Variants in ZNF527 observed in about 807,000 individuals in gnomAD.
The protein encoded by ZNF527 is zinc finger protein 527.
ZNF527 carries 5 observed loss-of-function variants against 13.5 expected under a neutral mutation model. The observed-to-expected ratio is 0.37, with a 90% CI of 0.19 to 0.78. ZNF527 has a LOEUF of 0.78. Among genes scored for constraint, ZNF527 ranks in the 30% least tolerant of loss-of-function variants. The probability of loss-of-function intolerance (pLI) is 0.48; values close to 1 mark genes in which losing one functional copy is unlikely to be tolerated. For synonymous variants in ZNF527, 209 were observed against 243.1 expected (o/e 0.86, Z 1.30); for missense variants, 628 against 726.4 (o/e 0.86, Z 1.56).
chr19:37,378,856 C>G (rs916256245), intron 2 of ZNF527, among the ~76,000 whole-genome samples: 1 of 152,146 alleles, frequency 6.6e-6, no homozygotes, highest in Admixed American at 6.5e-5. Context: ...ATGTAACATA[C>G]AACTTAGTCT....
rs757817235 is a variant in ZNF527, at chr19:37,379,151, A to G, written c.65A>G (p.Asp22Gly). ...GLVTFRDVAL[D>G]FSQEEWEWLK... The stretch of plus-strand genomic sequence containing the variant: ...GTGACCTTCAGAGATGTGGCGCTAG[A>G]CTTTTCCCAAGAAGAGTGGGAATGG... Residue 22 changes from aspartate (D) to glycine (G), a missense_variant, in exon 3 of 5, where the codon GAC (aspartate) becomes GGC (glycine). Asp to Gly is a moderately conservative substitution (Grantham distance 94, BLOSUM62 -1). Coordinates refer to ENST00000436120, the MANE Select transcript of ZNF527 (RefSeq NM_032453.2). 1.9e-5 allele frequency: 30 copies of G among 1,613,956 alleles called. No individual in the cohort carries two copies. The highest frequency in any genetic ancestry group is 2.4e-5 in the Non-Finnish European group (28 of 1,180,002).
At position 37,391,588 on chromosome 19, in the gene ZNF527, A is replaced by AATAAAT. The variant is rs1555829723; in HGVS notation, c.*1710_*1711insTAAATA. The stretch of plus-strand genomic sequence containing the variant: ...CCTTCTCAAAAAAAAAAAAAAAAAA[A>AATAAAT]AAATAAATAAATAAATAAATAAATA... On this transcript the variant is annotated 3_prime_UTR_variant, in exon 5 of 5. Coordinates refer to ENST00000436120, the MANE Select transcript of ZNF527 (RefSeq NM_032453.2). The AATAAAT allele has an allele frequency of 3.0e-5, 4 of 132,062 alleles. No individual in the cohort carries two copies. The highest frequency in any genetic ancestry group is 2.2e-4 in the East Asian group (1 of 4,520). The allele number at this position is 132,062 out of a possible 1,614,324, so 8.2% of individuals were successfully genotyped here.
chr19:37,390,033 A>AATT lies in ZNF527; in HGVS notation c.*154_*155insATT. 1 of 912,206 alleles carries AATT rather than the reference A, an allele frequency of 1.1e-6. No homozygotes were observed. The highest frequency in any genetic ancestry group is 1.5e-6 in the Non-Finnish European group (1 of 665,760). 56.5% of individuals were successfully genotyped at this position (912,206 alleles called of 1,614,324 possible). ...AGTAGCTCAGTAGTAGACATCTGTT[A>AATT]CTTTTTTTTTTTTCAGACAGAGTCT... On this transcript the variant is annotated 3_prime_UTR_variant, in exon 5 of 5. Coordinates refer to ENST00000436120, the MANE Select transcript of ZNF527 (RefSeq NM_032453.2).
In ZNF527 at chr19:37,389,746, T is replaced by C; in HGVS notation, c.1697T>C (p.Ile566Thr). 6.2e-7 allele frequency: 1 copy of C among 1,613,874 alleles called. No individual in the cohort carries two copies. Among genetic ancestry groups the C allele is most frequent in the Non-Finnish European group, 8.5e-7 (1 of 1,180,020 alleles). The change falls in exon 5 of 5, where the codon ATC becomes ACC. Residue 566 changes from isoleucine to threonine, a missense_variant. Ile to Thr is a moderately conservative substitution (Grantham distance 89). Coordinates refer to ENST00000436120, the MANE Select transcript of ZNF527 (RefSeq NM_032453.2). ...CSECGKAFHQ[I>T]LSLRLHQRIH... ...GAATGTGGGAAGGCTTTTCATCAGATCTTGTCCCTAAGACTACACCAGAGA... is the reference window on the plus strand; with the variant it reads ...GAATGTGGGAAGGCTTTTCATCAGACCTTGTCCCTAAGACTACACCAGAGA...
chr19:37,389,178 CAG>C lies in ZNF527; in HGVS notation c.1133_1134del (p.Arg378AsnfsTer5). ...CCGTTATGCCTTCCTTGTTGAACAT[CAG>C]AGAATTCACACAGGTGAGAAACCAT... is the stretch of plus-strand genomic sequence containing the variant. The part of the protein sequence containing the change: ...FSRYAFLVEH[Q>X]RIHTGEKPYE... On this transcript the variant is annotated frameshift_variant, in exon 5 of 5. Transcript: ENST00000436120. LOFTEE classifies it low-confidence loss of function (END_TRUNC). 6.2e-7 allele frequency: 1 copy of C among 1,614,092 alleles called. No individual in the cohort carries two copies. The highest frequency in any genetic ancestry group is 8.5e-7 in the Non-Finnish European group (1 of 1,180,008).
chr19:37,379,418 T>A, intron 3 of ZNF527, 172 bp downstream of exon 3: 1 of 543,624 alleles, frequency 1.8e-6, no homozygotes, highest in Non-Finnish European at 2.9e-6. Flanking sequence ...TTTAATTAAT[T>A]AATTTACTTT....
intron 2 of ZNF527, among the ~76,000 whole-genome samples, chr19:37,374,926 TAGC>T (rs1243607241): frequency 2.0e-5 from 3 of 152,142 alleles, no homozygotes; most frequent in African/African-American, 7.2e-5. Flanking sequence ...CAGGAGGTGA[TAGC>T]AGCCTGGATC....
chr19:37,378,418 A>G (rs972927339), intron 2 of ZNF527, among the ~76,000 whole-genome samples: 1 of 152,152 alleles, frequency 6.6e-6, no homozygotes, highest in Admixed American at 6.5e-5. Context: ...CTTTCTTCAT[A>G]TGGATATTTT....
intron 4 of ZNF527, among the ~76,000 whole-genome samples, chr19:37,386,187 G>A (rs1287824294): frequency 9.1e-6 from 1 of 110,050 alleles, no homozygotes; most frequent in African/African-American, 3.9e-5. Context: ...TTGTCACCCA[G>A]GCTGGAATGC....
chr19:37,389,539 C>G lies in ZNF527; in HGVS notation c.1490C>G (p.Pro497Arg), dbSNP rs1434492192. The change falls in exon 5 of 5, where the codon CCA becomes CGA. Residue 497 changes from proline to arginine, a missense_variant. This residue lies in a region of ZNF527 where 592 missense variants were observed against 678.0 expected (regional missense o/e 0.87). Coordinates refer to ENST00000436120, the MANE Select transcript of ZNF527 (RefSeq NM_032453.2). Reference sequence around the variant, plus strand: ...CATAGAATTCACACTGGAGAGAGACCATTTGAATGCAGTAAATGTGGGAAA... The same window carrying G: ...CATAGAATTCACACTGGAGAGAGACGATTTGAATGCAGTAAATGTGGGAAA... ...RHHRIHTGER[P>R]FECSKCGKAF... 15 of 1,614,116 alleles carry G rather than the reference C, an allele frequency of 9.3e-6. No homozygotes were observed. Among genetic ancestry groups the G allele is most frequent in the Non-Finnish European group, 1.3e-5 (15 of 1,180,046 alleles).
chr19:37,379,259 CT>C lies in ZNF527; in HGVS notation c.160+14del. On this transcript the variant is annotated intron_variant, in intron 3 of 4. Coordinates refer to ENST00000436120, the MANE Select transcript of ZNF527 (RefSeq NM_032453.2). ...TTGGTATGGCTTGGTAAGGATGTTT[CT>C]CCCCCATAATTTAAAAATCTTCCTC... is the stretch of plus-strand genomic sequence containing the variant. 6.3e-7 allele frequency: 1 copy of C among 1,575,392 alleles called. No individual in the cohort carries two copies. Among genetic ancestry groups the C allele is most frequent in the Admixed American group, 2.0e-5 (1 of 50,850 alleles).
rs2040749052 is a variant in ZNF527, at chr19:37,391,180, CT to C, written c.*1303del. The C allele has an allele frequency of 6.6e-6, 1 of 152,128 alleles. No homozygotes were observed. The highest frequency in any genetic ancestry group is 6.5e-5 in the Admixed American group (1 of 15,272). 9.4% of individuals were successfully genotyped at this position (152,128 alleles called of 1,614,324 possible). A position where few individuals can be genotyped will look rare whatever the true frequency, so the allele number is the denominator to read the frequency against. ...ATGGCTCTTCATCTTCAAGGAATTA[CT>C]TGATTTTCTTCTTTCAGTATGGGTC... is the stretch of plus-strand genomic sequence containing the variant. On this transcript the variant is annotated 3_prime_UTR_variant, in exon 5 of 5. Coordinates refer to ENST00000436120, the MANE Select transcript of ZNF527 (RefSeq NM_032453.2).
chr19:37,389,549 C>T lies in ZNF527; in HGVS notation c.1500C>T (p.Cys500=). The change falls in exon 5 of 5, where the codon TGC becomes TGT. Residue 500 remains cysteine, a synonymous_variant. Transcript: ENST00000436120. Reference sequence around the variant, plus strand: ...ACACTGGAGAGAGACCATTTGAATGCAGTAAATGTGGGAAAGCCTTCAGTG... The same window carrying T: ...ACACTGGAGAGAGACCATTTGAATGTAGTAAATGTGGGAAAGCCTTCAGTG... The part of the protein sequence containing the change: ...RIHTGERPFE[C]SKCGKAFSDA... 1.2e-6 allele frequency: 2 copies of T among 1,614,042 alleles called. No homozygotes were observed. Among genetic ancestry groups the T allele is most frequent in the South Asian group, 1.1e-5 (1 of 91,074 alleles).
rs115804236 is a variant in ZNF527, at chr19:37,389,063, T to A, written c.1014T>A (p.Ala338=). The A allele has an allele frequency of 6.2e-7, 1 of 1,614,184 alleles. No individual in the cohort carries two copies. Among genetic ancestry groups the A allele is most frequent in the South Asian group, 1.1e-5 (1 of 91,084 alleles). The change falls in exon 5 of 5, where the codon GCT becomes GCA. Residue 338 remains alanine (A), a synonymous_variant. Transcript: ENST00000436120. The part of the protein sequence containing the change: ...KPYECKECNK[A]FRQSAHLAQH... ...ATGAATGTAAGGAATGTAACAAAGC[T>A]TTCAGACAGAGTGCTCACCTTGCTC...
Position 37,390,514 on chromosome 19 carries a change from T to G in ZNF527, c.*635T>G, listed in dbSNP as rs1235606107. ...GGATCAATGAAGTCCTTTGCGGGTA[T>G]TCCTATGGGCAGTAAGAGAGGTTTT... On this transcript the variant is annotated 3_prime_UTR_variant, in exon 5 of 5. Coordinates refer to ENST00000436120, the MANE Select transcript of ZNF527 (RefSeq NM_032453.2). 6.6e-6 allele frequency: 1 copy of G among 152,250 alleles called. No homozygotes were observed. The highest frequency in any genetic ancestry group is 1.5e-5 in the Non-Finnish European group (1 of 68,082). 9.4% of individuals were successfully genotyped at this position (152,250 alleles called of 1,614,324 possible).
rs1254726237 is a variant in ZNF527, at chr19:37,390,250, A to C, written c.*371A>C. The C allele has an allele frequency of 5.7e-6, 1 of 175,102 alleles. No homozygotes were observed. Among genetic ancestry groups the C allele is most frequent in the Non-Finnish European group, 1.2e-5 (1 of 81,710 alleles). The allele number at this position is 175,102 out of a possible 1,614,324, so 10.8% of individuals were successfully genotyped here. On this transcript the variant is annotated 3_prime_UTR_variant, in exon 5 of 5. Coordinates refer to ENST00000436120, the MANE Select transcript of ZNF527 (RefSeq NM_032453.2). Reference sequence around the variant, plus strand: ...CACCACATTGGTCAGGCTGATCTCGAACTCCTGACTTTAGGTGATCCACAC... The same window carrying C: ...CACCACATTGGTCAGGCTGATCTCGCACTCCTGACTTTAGGTGATCCACAC...
intron 1 of ZNF527, among the ~76,000 whole-genome samples, chr19:37,373,271 G>A (rs2040573600): frequency 6.6e-6 from 1 of 152,198 alleles, no homozygotes; most frequent in South Asian, 2.1e-4. Flanking sequence ...TTGTGTAAAT[G>A]TGTATATGTT....
At chr19:37,375,311 T>TTTGTTTTCTTTC (rs760003304) in intron 2 of ZNF527, among the ~76,000 whole-genome samples, 1 of 79,796 alleles carries the variant, frequency 1.3e-5, no homozygotes, top group African/African-American at 5.6e-5. Context: ...TCTTTCTTTC[T>TTTGTTTTCTTTC]TTTCTTTCTT....
At chr19:37,383,404 T>C (rs2040670891) in intron 4 of ZNF527, among the ~76,000 whole-genome samples, 1 of 151,806 alleles carries the variant, frequency 6.6e-6, no homozygotes, top group African/African-American at 2.4e-5. Context: ...CCCAGATAAT[T>C]TTTGTAATTT....
Sources: allele counts gnomAD v4.1 joint callset (sites outside exome capture counted in the v4.1 genomes callset), GRCh38; gene constraint gnomAD v4.1.1; regional missense constraint gnomAD v4.1.1; transcripts MANE v1.5; gene names NCBI Gene and HGNC (gene_info 2026-07-23, HGNC 2026-07-21).